Variants in MECR observed in about 807,000 individuals in gnomAD.
MECR encodes the protein mitochondrial trans-2-enoyl-CoA reductase, also known as enoyl-[acyl-carrier-protein] reductase, mitochondrial.
In MECR, 37 loss-of-function variants were observed where a neutral mutation model predicts 49.1. The observed-to-expected ratio is 0.75, with a 90% confidence interval of 0.58 to 0.99. The LOEUF (loss-of-function observed/expected upper bound fraction) is 0.99, where lower values mean the gene tolerates loss of function less well. Among genes scored for constraint, MECR ranks in the 50% least tolerant of loss-of-function variants. The pLI is 0.00. For synonymous variants in MECR, 198 were observed against 191.1 expected, an observed-to-expected ratio of 1.04 and a Z score of -0.30; for missense variants, 470 against 479.6, an observed-to-expected ratio of 0.98 and a Z score of 0.19.
chr1:29,182,690 C>A, the MECR span, among the ~76,000 whole-genome samples: 2 of 152,080 alleles, frequency 1.3e-5, no homozygotes, highest in African/African-American at 4.8e-5. Context: ...ACTACAGGCG[C>A]CCGCCCCCAC....
intron 3 of MECR, among the ~76,000 whole-genome samples, chr1:29,208,415 G>A (rs1399570503): frequency 6.6e-6 from 1 of 152,234 alleles, no homozygotes; most frequent in East Asian, 1.9e-4. Flanking sequence ...TTACTCTAAT[G>A]TGTAAATAGC....
At chr1:29,208,458 G>A (rs1312909663) in intron 3 of MECR, among the ~76,000 whole-genome samples, 1 of 152,224 alleles carries the variant, frequency 6.6e-6, no homozygotes, top group East Asian at 1.9e-4. Context: ...GCCTCCTCCA[G>A]GAGCTACTGT....
intron 3 of MECR, among the ~76,000 whole-genome samples, chr1:29,214,888 C>G (rs920066394): frequency 6.6e-6 from 1 of 152,202 alleles, no homozygotes; most frequent in South Asian, 2.1e-4. Context: ...GGATCAATAA[C>G]AGACGTGCCT....
chr1:29,190,332 G>A (rs374302982), downstream of MECR, among the ~76,000 whole-genome samples: 1 of 151,302 alleles, frequency 6.6e-6, no homozygotes, highest in Non-Finnish European at 1.5e-5. Context: ...CCGACATCGC[G>A]CCACCCAGAC....
chr1:29,194,657 C>A (rs189687706), intron 9 of MECR, among the ~76,000 whole-genome samples: 3 of 152,168 alleles, frequency 2.0e-5, no homozygotes, highest in Non-Finnish European at 4.4e-5. Context: ...ACCCCACGAC[C>A]GGACGCCACC....
chr1:29,222,820 G>T (rs1168303525), intron 1 of MECR, among the ~76,000 whole-genome samples: 21 of 152,146 alleles, frequency 1.4e-4, no homozygotes, highest in Admixed American at 1.3e-3. Context: ...GCCTGGGGGT[G>T]GGGGGGTCCA....
At chr1:29,223,381 G>C in intron 1 of MECR, 1 of 685,232 alleles carries the variant, frequency 1.5e-6, no homozygotes, top group Non-Finnish European at 1.8e-6. Context: ...GTGTAAGGTG[G>C]GCATTAGCTA....
Position 29,211,796 on chromosome 1 carries a change from C to T in MECR, c.406+4209G>A, listed in dbSNP as rs1417414035. On this transcript the variant is annotated intron_variant, in intron 3 of 9. Coordinates refer to ENST00000263702, the MANE Select transcript of MECR (RefSeq NM_016011.5). ...ATTTCCCAAGGAGAAAGTCAGTTGG[C>T]AAAGATCTATCCACACCATCTGGTC... 3.9e-5 allele frequency among the ~76,000 whole-genome samples: 6 copies of T among 152,182 alleles called. No individual in the cohort carries two copies. The East Asian group carries it at 1.2e-3, about 29-fold the overall frequency.
Position 29,216,685 on chromosome 1 carries a change from T to C in MECR, c.177A>G (p.Glu59=). 1 of 1,614,154 alleles carries C rather than the reference T, an allele frequency of 6.2e-7. No individual in the cohort carries two copies. Among genetic ancestry groups the C allele is most frequent in the Non-Finnish European group, 8.5e-7 (1 of 1,180,016 alleles). ...GHHGDPAKVV[E]LKNLELAAVR... The stretch of plus-strand genomic sequence containing the variant: ...CAGCAGCTAGCTCCAGGTTCTTGAG[T>C]CTAAGCACAAAGCCAAACGGAGATG... Residue 59 remains glutamate, a splice_region_variant and synonymous_variant, in exon 2 of 10, where the codon GAA becomes GAG. Transcript: ENST00000263702.
At chr1:29,184,035 C>T in the MECR span, among the ~76,000 whole-genome samples, 1 of 151,936 alleles carries the variant, frequency 6.6e-6, no homozygotes, top group African/African-American at 2.4e-5. Flanking sequence ...CCTGCCACCA[C>T]GCCCGGCTAA....
At chr1:29,230,535 A>G (rs1318608544) in intron 1 of MECR, 196 bp downstream of exon 1, 1 of 600,210 alleles carries the variant, frequency 1.7e-6, no homozygotes, top group Non-Finnish European at 2.9e-6. Flanking sequence ...TAATACCCTG[A>G]TAATTGCCTC....
chr1:29,188,067 A>C (rs1673064540), downstream of MECR, among the ~76,000 whole-genome samples: 1 of 141,272 alleles, frequency 7.1e-6, no homozygotes. Flanking sequence ...GACGCACACC[A>C]CCATGCCTGG....
Position 29,192,695 on chromosome 1 carries a change from C to T in MECR, c.*1327G>A, listed in dbSNP as rs969051752. ...TGCTTTGAGCAAATGAATCGTGAAG[C>T]AAATACCAAAAAGTCACGTCAAGCT... On this transcript the variant is annotated 3_prime_UTR_variant, in exon 10 of 10. Transcript: ENST00000263702. Among the ~76,000 whole-genome samples, 5 of 152,080 alleles carry T rather than the reference C, an allele frequency of 3.3e-5. No homozygotes were observed. Among genetic ancestry groups the T allele is most frequent in the African/African-American group, 1.2e-4 (5 of 41,406 alleles).
chr1:29,192,594 C>T (rs933953014), downstream of MECR, among the ~76,000 whole-genome samples: 19 of 152,158 alleles, frequency 1.2e-4, no homozygotes, highest in African/African-American at 4.6e-4. Context: ...TCAATAAATA[C>T]GTCCTGAATG....
At chr1:29,179,909 A>T in the MECR span, among the ~76,000 whole-genome samples, 1 of 152,216 alleles carries the variant, frequency 6.6e-6, no homozygotes, top group African/African-American at 2.4e-5. Flanking sequence ...TTGGTTGATG[A>T]ATCAGTTTCC....
chr1:29,174,470 C>T, the MECR span, among the ~76,000 whole-genome samples: 1 of 152,006 alleles, frequency 6.6e-6, no homozygotes, highest in East Asian at 1.9e-4. Context: ...CTGATTATGT[C>T]CATTAAATAA....
the MECR span, among the ~76,000 whole-genome samples, chr1:29,186,853 C>G: frequency 2.0e-5 from 3 of 152,238 alleles, no homozygotes; most frequent in Admixed American, 2.0e-4. Context: ...GCTGTGTGAT[C>G]TGGAACAACT....
chr1:29,175,768 CTTTAAT>C, the MECR span, among the ~76,000 whole-genome samples: 3 of 143,506 alleles, frequency 2.1e-5, no homozygotes, highest in African/African-American at 5.1e-5. Flanking sequence ...AAGAGTGGGT[CTTTAAT>C]TTTAACTATA....
At chr1:29,191,209 C>T (rs968011594), downstream of MECR, among the ~76,000 whole-genome samples, 8 of 152,182 alleles carry the variant, frequency 5.3e-5, no homozygotes, top group African/African-American at 1.7e-4. Flanking sequence ...TTCCTGTATG[C>T]CTGCTCTTAG....
Sources: gnomAD v4.1 joint callset for allele counts (sites outside exome capture counted in the v4.1 genomes callset) on GRCh38, gnomAD v4.1.1 for gene constraint, MANE v1.5 for transcripts, NCBI Gene and HGNC (gene_info 2026-07-23, HGNC 2026-07-21) for gene names.